The following MAGOHB variants were observed in gnomAD, a reference collection of about 807,000 sequenced individuals.
The protein encoded by MAGOHB is mago homolog B, exon junction complex subunit.
A neutral mutation model predicts 20.9 loss-of-function variants in MAGOHB; 15 were observed. The observed-to-expected ratio is 0.72, with a 90% CI of 0.48 to 1.11. The LOEUF is 1.11. Ranked by LOEUF, MAGOHB falls within the 50% of genes least tolerant of loss-of-function variation. The pLI, the probability that MAGOHB is intolerant of heterozygous loss-of-function variation, is 0.00. For synonymous variants in MAGOHB, 50 were observed against 57.9 expected (o/e 0.86, Z 0.62); for missense variants, 162 against 177.6 (o/e 0.91, Z 0.50).
chr12:10,612,251 T>C (rs1448978444), intron 1 of MAGOHB, among the ~76,000 whole-genome samples: 1 of 134,666 alleles, frequency 7.4e-6, no homozygotes, highest in Middle Eastern at 3.4e-3. Flanking sequence ...ATAACATAAT[T>C]AGCTGGGTGA....
intron 1 of MAGOHB, among the ~76,000 whole-genome samples, chr12:10,611,345 T>C (rs1379793898): frequency 1.3e-5 from 2 of 152,230 alleles, no homozygotes; most frequent in African/African-American, 2.4e-5. Flanking sequence ...TTTTAATCCA[T>C]CATGATTGCT....
intron 4 of MAGOHB, 78 bp from the exon 5 acceptor site, chr12:10,606,452 C>A: frequency 2.7e-6 from 2 of 746,754 alleles, no homozygotes; most frequent in East Asian, 3.0e-5. Flanking sequence ...CAAAACAAAT[C>A]AAAATCTCAT....
intron 1 of MAGOHB, chr12:10,612,874 T>G (rs1343793559): frequency 7.8e-7 from 1 of 1,288,952 alleles, no homozygotes; most frequent in East Asian, 5.5e-5. Flanking sequence ...GCCAAGTCTC[T>G]CATTTCGAGA....
At chr12:10,607,634 G>A (rs1030052389) in intron 4 of MAGOHB, among the ~76,000 whole-genome samples, 3 of 152,126 alleles carry the variant, frequency 2.0e-5, no homozygotes, top group Non-Finnish European at 4.4e-5. Flanking sequence ...ATTATATACA[G>A]CTGTTGGATT....
chr12:10,602,260 C>G (rs1334471647), downstream of MAGOHB, among the ~76,000 whole-genome samples: 1 of 152,220 alleles, frequency 6.6e-6, no homozygotes, highest in Admixed American at 6.5e-5. Flanking sequence ...ATGTAAGAGG[C>G]ATGATGCCTA....
intron 2 of MAGOHB, 45 bp downstream of exon 2, chr12:10,610,577 C>CAAAAAAAAAAAAAAAAAAAAA (rs541042923): frequency 4.1e-6 from 3 of 727,984 alleles, no homozygotes; most frequent in Non-Finnish European, 5.1e-6. Flanking sequence ...GGGCTAAATG[C>CAAAAAAAAAAAAAAAAAAAAA]AAAAAAAAAA....
chr12:10,607,411 A>G (rs2120512489), intron 4 of MAGOHB, among the ~76,000 whole-genome samples: 1 of 152,318 alleles, frequency 6.6e-6, no homozygotes, highest in South Asian at 2.1e-4. Flanking sequence ...GGGGCAGAGG[A>G]GAGACAGATC....
At chr12:10,600,324 T>G (rs1865542402), downstream of MAGOHB, among the ~76,000 whole-genome samples, 1 of 152,096 alleles carries the variant, frequency 6.6e-6, no homozygotes, top group African/African-American at 2.4e-5. Context: ...CATCATTTAT[T>G]TAGGCAATCC....
downstream of MAGOHB, among the ~76,000 whole-genome samples, chr12:10,599,934 G>A (rs7958146): frequency 0.12 from 17,577 of 151,976 alleles, 3,367 homozygotes; most frequent in African/African-American, 0.4. Context: ...AGACATTACT[G>A]AAATGTCTAT....
In MAGOHB at chr12:10,608,122, TCA is replaced by T. The variant is rs138260648; in HGVS notation, c.265-188_265-187del. ...ACTATATCCTTAAAATAAAGACTGC[TCA>T]CGCGCACTACCCCCAAGTTTAGGAC... On this transcript the variant is annotated intron_variant, in intron 3 of 4. Coordinates refer to ENST00000320756, the MANE Select transcript of MAGOHB (RefSeq NM_018048.5). The T allele has an allele frequency of 5.5e-4, 246 of 443,920 alleles. 1 individual carries two copies. Among genetic ancestry groups the T allele is most frequent in the African/African-American group, 4.5e-3 (218 of 48,356 alleles). 27.5% of individuals were successfully genotyped at this position (443,920 alleles called of 1,614,324 possible). A position where few individuals can be genotyped will look rare whatever the true frequency, so the allele number is the denominator to read the frequency against.
chr12:10,602,942 G>GA (rs1253201690), downstream of MAGOHB, among the ~76,000 whole-genome samples: 1 of 152,124 alleles, frequency 6.6e-6, no homozygotes, highest in Non-Finnish European at 1.5e-5. Context: ...AAGATGGTCT[G>GA]AATCACTTCA....
Position 10,605,690 on chromosome 12 carries a change from A to G in MAGOHB, c.*585T>C, listed in dbSNP as rs1296054098. On this transcript the variant is annotated 3_prime_UTR_variant, in exon 5 of 5. Coordinates refer to ENST00000320756, the MANE Select transcript of MAGOHB (RefSeq NM_018048.5). ...AGACATAATCAAAGATATGCCTAAC[A>G]TGGGGTAGACTGTACTCTTGTAACA... The G allele has an allele frequency of 6.6e-6, 1 of 152,170 alleles. No homozygotes were observed. The highest frequency in any genetic ancestry group is 2.4e-5 in the African/African-American group (1 of 41,444). The allele number at this position is 152,170 out of a possible 1,614,324, so 9.4% of individuals were successfully genotyped here. A position where few individuals can be genotyped will look rare whatever the true frequency, so the allele number is the denominator to read the frequency against.
At chr12:10,612,968 C>A in intron 1 of MAGOHB, 1 of 1,287,568 alleles carries the variant, frequency 7.8e-7, no homozygotes, top group Non-Finnish European at 1.0e-6. Context: ...GCTTGGTACT[C>A]TTCATGCGTC....
chr12:10,612,862 A>G, intron 1 of MAGOHB: 2 of 1,289,086 alleles, frequency 1.6e-6, no homozygotes, highest in Non-Finnish European at 2.0e-6. Context: ...TTTCTCTCAA[A>G]GGCCAAGTCT....
At chr12:10,608,864 T>C (rs1423396969) in intron 3 of MAGOHB, 1 of 152,188 alleles carries the variant, frequency 6.6e-6, no homozygotes, top group Non-Finnish European at 1.5e-5. Context: ...TTTGACTTGA[T>C]ACAAAAGGCA....
intron 1 of MAGOHB, chr12:10,612,678 G>A (rs1591666956): frequency 5.2e-6 from 6 of 1,151,564 alleles, no homozygotes; most frequent in Middle Eastern, 4.8e-4. Flanking sequence ...AGCACAAAAC[G>A]TGCATTCAAA....
At chr12:10,603,042 C>T (rs16922007), downstream of MAGOHB, among the ~76,000 whole-genome samples, 4,570 of 152,220 alleles carry the variant, frequency 0.03, 261 homozygotes, top group African/African-American at 0.1. Context: ...TGACACTGAA[C>T]TTCCTGGCTC....
Position 10,604,774 on chromosome 12 carries a change from G to A in MAGOHB, c.*1501C>T, listed in dbSNP as rs1248081085. ...TGATAGCGTACTTGCATAATGAAGT[G>A]GAAATCATTTGACTTTCCATGGCAA... On this transcript the variant is annotated 3_prime_UTR_variant, in exon 5 of 5. Coordinates refer to ENST00000320756, the MANE Select transcript of MAGOHB (RefSeq NM_018048.5). 1 of 152,182 alleles carries A rather than the reference G, an allele frequency of 6.6e-6. No homozygotes were observed. The highest frequency in any genetic ancestry group is 1.5e-5 in the Non-Finnish European group (1 of 68,032). The allele number at this position is 152,182 out of a possible 1,614,324, so 9.4% of individuals were successfully genotyped here.
chr12:10,609,432 C>A, intron 3 of MAGOHB: 2 of 428,996 alleles, frequency 4.7e-6, no homozygotes, highest in Non-Finnish European at 4.6e-6. Flanking sequence ...AACAAAGAAA[C>A]CACCAATCAA....
Sources: allele counts gnomAD v4.1 joint callset (sites outside exome capture counted in the v4.1 genomes callset), GRCh38; gene constraint gnomAD v4.1.1; transcripts MANE v1.5; gene names NCBI Gene and HGNC (gene_info 2026-07-23, HGNC 2026-07-21).